The following ZBBX variants were observed in gnomAD, a reference collection of about 807,000 sequenced individuals.
ZBBX encodes zinc finger B-box domain containing.
A neutral mutation model predicts 108.5 loss-of-function variants in ZBBX; 101 were observed. The observed-to-expected ratio is 0.93, with a 90% CI of 0.79 to 1.10. The LOEUF is 1.10. Ranked by LOEUF, ZBBX falls within the 50% of genes least tolerant of loss-of-function variation. ZBBX has a pLI of 0.00. For missense variants in ZBBX, 1,009 were observed against 941.4 expected, an observed-to-expected ratio of 1.07 and a Z score of -0.94; for synonymous variants, 356 against 323.4, an observed-to-expected ratio of 1.10 and a Z score of -1.08.
intron 20 of ZBBX, among the ~76,000 whole-genome samples, chr3:167,255,805 C>T (rs1038486559): frequency 1.3e-5 from 2 of 152,004 alleles, no homozygotes; most frequent in South Asian, 2.1e-4. Flanking sequence ...GTGTTTCAAA[C>T]AATCCAATTA....
At chr3:167,373,212 T>A (rs370052094) in intron 3 of ZBBX, among the ~76,000 whole-genome samples, 2 of 152,182 alleles carry the variant, frequency 1.3e-5, no homozygotes, top group East Asian at 3.8e-4. Context: ...TTAAGTATTA[T>A]AAGTAAGCAA....
rs545662115 is a variant in ZBBX, at chr3:167,266,087, C to T, written c.2254+16151G>A. ...CTCACCTGAGTTTTGGTTCCTGCCA[C>T]GGTGCTTTCCTATGTGTAGACAGTT... is the stretch of plus-strand genomic sequence containing the variant. On this transcript the variant is annotated intron_variant, in intron 20 of 21. Transcript: ENST00000675490. 3.0e-4 allele frequency among the ~76,000 whole-genome samples: 46 copies of T among 152,298 alleles called. 1 individual carries two copies. Among genetic ancestry groups the T allele is most frequent in the Non-Finnish European group, 4.9e-4 (33 of 68,026 alleles).
chr3:167,386,529 G>A (rs1445964694), intron 1 of ZBBX, among the ~76,000 whole-genome samples: 1 of 151,954 alleles, frequency 6.6e-6, no homozygotes, highest in Non-Finnish European at 1.5e-5. Flanking sequence ...ATATAAGTGA[G>A]TTGTTCTAGC....
At chr3:167,359,179 C>T (rs1227054378) in intron 8 of ZBBX, among the ~76,000 whole-genome samples, 2 of 151,938 alleles carry the variant, frequency 1.3e-5, no homozygotes, top group African/African-American at 4.8e-5. Flanking sequence ...TCATGTGGAG[C>T]AAAAGAAGCC....
At chr3:167,209,806 CTGGCTGGGAGTGA>C in the ZBBX span, among the ~76,000 whole-genome samples, 2 of 152,092 alleles carry the variant, frequency 1.3e-5, no homozygotes, top group African/African-American at 4.8e-5. Flanking sequence ...TTCAAAATAG[CTGGCTGGGAGTGA>C]TGGCTCACAC....
At chr3:167,257,509 A>C (rs1723731862) in intron 20 of ZBBX, among the ~76,000 whole-genome samples, 1 of 152,132 alleles carries the variant, frequency 6.6e-6, no homozygotes, top group Non-Finnish European at 1.5e-5. Flanking sequence ...TATTCAGTTT[A>C]ATACTAGCTG....
chr3:167,234,937 A>T (rs1371645560), downstream of ZBBX, among the ~76,000 whole-genome samples: 1 of 151,748 alleles, frequency 6.6e-6, no homozygotes, highest in Admixed American at 6.6e-5. Flanking sequence ...TTCCTTCTTG[A>T]TGCCTGGAAC....
chr3:167,262,333 A>G (rs530305166), intron 20 of ZBBX, among the ~76,000 whole-genome samples: 87 of 152,288 alleles, frequency 5.7e-4, no homozygotes, highest in African/African-American at 2.1e-3. Context: ...CGAGCCAGCC[A>G]CTGCCTGTTG....
intron 8 of ZBBX, among the ~76,000 whole-genome samples, chr3:167,351,749 C>T (rs1247411028): frequency 6.6e-6 from 1 of 152,172 alleles, no homozygotes; most frequent in Non-Finnish European, 1.5e-5. Flanking sequence ...GGGTCTGAGT[C>T]CTGCCCAGAG....
intron 18 of ZBBX, among the ~76,000 whole-genome samples, chr3:167,292,787 A>G (rs1467236954): frequency 6.6e-6 from 1 of 152,178 alleles, no homozygotes; most frequent in African/African-American, 2.4e-5. Context: ...AGACCAACAA[A>G]GTAGATAGAC....
the ZBBX span, among the ~76,000 whole-genome samples, chr3:167,199,314 C>G: frequency 6.6e-6 from 1 of 152,196 alleles, no homozygotes; most frequent in Non-Finnish European, 1.5e-5. Flanking sequence ...TCCAGTTCAT[C>G]TGGCCCTATT....
chr3:167,304,456 C>T (rs1291240676), intron 17 of ZBBX, among the ~76,000 whole-genome samples: 1 of 152,116 alleles, frequency 6.6e-6, no homozygotes, highest in Non-Finnish European at 1.5e-5. Context: ...AAGATAAGCC[C>T]ATCTGAAGTG....
intron 1 of ZBBX, among the ~76,000 whole-genome samples, chr3:167,396,130 G>T (rs977130240): frequency 2.0e-5 from 3 of 151,964 alleles, no homozygotes; most frequent in African/African-American, 4.8e-5. Context: ...TTCCTGAATA[G>T]ATCTAAGTTA....
At chr3:167,397,142 T>TAA (rs61671930) in intron 1 of ZBBX, among the ~76,000 whole-genome samples, 5,280 of 72,318 alleles carry the variant, frequency 0.073, 419 homozygotes, top group Non-Finnish European at 0.11. Flanking sequence ...TTCTTGGTGG[T>TAA]AAAAAAAAAA....
chr3:167,263,354 G>A (rs190564287), intron 20 of ZBBX, among the ~76,000 whole-genome samples: 2 of 152,128 alleles, frequency 1.3e-5, no homozygotes, highest in Non-Finnish European at 2.9e-5. Flanking sequence ...TTTATTTCAT[G>A]TAGGCACATA....
chr3:167,362,635 T>C (rs764821127), intron 6 of ZBBX, among the ~76,000 whole-genome samples: 6 of 152,248 alleles, frequency 3.9e-5, no homozygotes, highest in East Asian at 3.9e-4. Flanking sequence ...TTCCCAAAAA[T>C]GTTTCATCAA....
chr3:167,238,065 C>T (rs1720301838), downstream of ZBBX, among the ~76,000 whole-genome samples: 2 of 151,964 alleles, frequency 1.3e-5, no homozygotes, highest in Non-Finnish European at 1.5e-5. Flanking sequence ...AGGAAGATGT[C>T]TTAGAGCAAA....
the ZBBX span, among the ~76,000 whole-genome samples, chr3:167,215,403 C>T: frequency 6.6e-6 from 1 of 152,072 alleles, no homozygotes; most frequent in Non-Finnish European, 1.5e-5. Flanking sequence ...TTCCTGGACA[C>T]ATACACCCTC....
the ZBBX span, among the ~76,000 whole-genome samples, chr3:167,190,150 G>A: frequency 6.6e-6 from 1 of 152,008 alleles, no homozygotes; most frequent in Non-Finnish European, 1.5e-5. Context: ...ATATGCATAT[G>A]TTTTGGACAT....
Sources: allele counts gnomAD v4.1 joint callset (sites outside exome capture counted in the v4.1 genomes callset), GRCh38; gene constraint gnomAD v4.1.1; transcripts MANE v1.5; gene names NCBI Gene and HGNC (gene_info 2026-07-23, HGNC 2026-07-21).